The following BMP5 variants were observed in gnomAD, a reference collection of about 807,000 sequenced individuals.
BMP5 encodes the protein bone morphogenetic protein 5.
BMP5 carries 23 observed loss-of-function variants against 46.6 expected under a neutral mutation model. The ratio of observed to expected loss-of-function variants is 0.49; its 90% CI spans 0.35 to 0.70. BMP5 has a LOEUF of 0.70. Ranked by LOEUF, BMP5 falls within the 30% of genes least tolerant of loss-of-function variation. The pLI is 0.00. For synonymous variants in BMP5, 204 were observed against 191.9 expected (o/e 1.06, Z -0.52); for missense variants, 545 against 565.6 (o/e 0.96, Z 0.37).
intron 1 of BMP5, among the ~76,000 whole-genome samples, chr6:55,837,087 T>C (rs1017526808): frequency 5.9e-5 from 9 of 152,124 alleles, no homozygotes; most frequent in Admixed American, 5.9e-4. Flanking sequence ...AGTCTGCTTT[T>C]GTTTTCTAGG....
chr6:55,867,802 G>T (rs1777687768), intron 1 of BMP5, among the ~76,000 whole-genome samples: 1 of 152,146 alleles, frequency 6.6e-6, no homozygotes, highest in East Asian at 1.9e-4. Flanking sequence ...CTTATTATCT[G>T]CACTTTTTAG....
intron 3 of BMP5, among the ~76,000 whole-genome samples, chr6:55,784,219 C>G (rs978268987): frequency 6.6e-6 from 1 of 151,830 alleles, no homozygotes. Flanking sequence ...AAGAAGAGAA[C>G]TGTCGTTTCT....
At position 55,807,235 on chromosome 6, in the gene BMP5, T is replaced by TA. The variant is rs200997807; in HGVS notation, c.683+12419_683+12420insT. ...ATAAATAGCTCTTATTATTTTGAGA[T>TA]TTTTTCATCAATACCTAATTTATTG... On this transcript the variant is annotated intron_variant, in intron 2 of 6. Coordinates refer to ENST00000370830, the MANE Select transcript of BMP5 (RefSeq NM_021073.4). Among the ~76,000 whole-genome samples the TA allele has an allele frequency of 7.4e-3, 1,125 of 151,664 alleles. 15 individuals are homozygous for TA. Among genetic ancestry groups the TA allele is most frequent in the African/African-American group, 0.026 (1,064 of 41,498 alleles).
At chr6:55,859,278 G>A (rs1777476379) in intron 1 of BMP5, among the ~76,000 whole-genome samples, 1 of 151,960 alleles carries the variant, frequency 6.6e-6, no homozygotes, top group Admixed American at 6.6e-5. Context: ...CATTAAAAAA[G>A]GTCACACCTT....
Position 55,755,578 on chromosome 6 carries a change from C to T in BMP5, c.1320G>A (p.Leu440=). The T allele has an allele frequency of 6.2e-7, 1 of 1,611,418 alleles. No individual in the cohort carries two copies. Among genetic ancestry groups the T allele is most frequent in the Non-Finnish European group, 8.5e-7 (1 of 1,178,392 alleles). Residue 440 remains leucine, a synonymous_variant, in exon 7 of 7, where the codon TTG becomes TTA. Coordinates refer to ENST00000370830, the MANE Select transcript of BMP5 (RefSeq NM_021073.4). ...GTACTACCATATTTCTATATTTTTT[C>T]AAAATGACATTGGAGCTGTCATCAA... is the stretch of plus-strand genomic sequence containing the variant. ...LYFDDSSNVI[L]KKYRNMVVRS... is the part of the protein sequence containing the mutation.
At chr6:55,765,041 C>T (rs1210024655) in intron 4 of BMP5, among the ~76,000 whole-genome samples, 1 of 152,018 alleles carries the variant, frequency 6.6e-6, no homozygotes, top group African/African-American at 2.4e-5. Context: ...ACATTGTATA[C>T]ATCTATCAAA....
chr6:55,834,459 T>C (rs1239070470), intron 1 of BMP5, among the ~76,000 whole-genome samples: 4 of 152,146 alleles, frequency 2.6e-5, no homozygotes, highest in African/African-American at 9.7e-5. Context: ...GAAGGCCATA[T>C]TTATTGTTTC....
chr6:55,837,502 A>T (rs1228890325), intron 1 of BMP5, among the ~76,000 whole-genome samples: 2 of 151,960 alleles, frequency 1.3e-5, no homozygotes, highest in African/African-American at 2.4e-5. Context: ...TATTTTTTAA[A>T]TTTTTTTATT....
In BMP5 at chr6:55,812,843, A is replaced by T. The variant is rs576873917; in HGVS notation, c.683+6812T>A. Among the ~76,000 whole-genome samples the T allele has an allele frequency of 7.2e-5, 11 of 152,348 alleles. No homozygotes were observed. In the South Asian group the frequency reaches 1.9e-3, roughly 26 times the overall value. On this transcript the variant is annotated intron_variant, in intron 2 of 6. Transcript: ENST00000370830. ...TAATAGGATTTTAAAATTACTTTTC[A>T]AATTGAAATTCCATTTTAACTGTGA...
chr6:55,827,600 T>A (rs1404261224), intron 1 of BMP5, among the ~76,000 whole-genome samples: 1 of 151,808 alleles, frequency 6.6e-6, no homozygotes, highest in African/African-American at 2.4e-5. Flanking sequence ...TCACTGAGGA[T>A]AACAATGCAT....
chr6:55,814,226 T>C (rs1228124960), intron 2 of BMP5, among the ~76,000 whole-genome samples: 2 of 152,140 alleles, frequency 1.3e-5, no homozygotes, highest in African/African-American at 2.4e-5. Flanking sequence ...TTTACTTACT[T>C]TATCTTTACA....
intron 1 of BMP5, among the ~76,000 whole-genome samples, chr6:55,844,145 G>C (rs1165956651): frequency 6.6e-6 from 1 of 151,918 alleles, no homozygotes; most frequent in Non-Finnish European, 1.5e-5. Context: ...ATGAGCCTAA[G>C]AGTTGATTGT....
intron 2 of BMP5, among the ~76,000 whole-genome samples, chr6:55,799,905 T>C (rs1296407682): frequency 2.6e-5 from 4 of 152,118 alleles, no homozygotes; most frequent in Non-Finnish European, 4.4e-5. Flanking sequence ...TGCACAGACC[T>C]CCCCACAGTG....
At chr6:55,789,019 GT>G (rs1775514562) in intron 3 of BMP5, among the ~76,000 whole-genome samples, 1 of 151,434 alleles carries the variant, frequency 6.6e-6, no homozygotes, top group Non-Finnish European at 1.5e-5. Flanking sequence ...TAAACCTGAA[GT>G]TTTACCTTGA....
chr6:55,777,161 T>C (rs1705170190), intron 3 of BMP5, among the ~76,000 whole-genome samples: 1 of 151,936 alleles, frequency 6.6e-6, no homozygotes, highest in Non-Finnish European at 1.5e-5. Flanking sequence ...TGACCTAGTA[T>C]TTCAGAAACA....
At chr6:55,821,170 A>C (rs1776402857) in intron 1 of BMP5, among the ~76,000 whole-genome samples, 1 of 152,166 alleles carries the variant, frequency 6.6e-6, no homozygotes, top group South Asian at 2.1e-4. Flanking sequence ...GGCTGCTAGA[A>C]CATCATGTTC....
In BMP5 at chr6:55,760,484, A is replaced by G. The variant is rs778578389; in HGVS notation, c.1077T>C (p.Tyr359=). The change falls in exon 5 of 7, where the codon TAT becomes TAC. Residue 359 remains tyrosine (Y), a synonymous_variant. Coordinates refer to ENST00000370830, the MANE Select transcript of BMP5 (RefSeq NM_021073.4). The stretch of plus-strand genomic sequence containing the variant: ...GCCATCCCAGATCCCGGAAGCTCAC[A>G]TAGAGTTCGTGCTTCTTACAGGCTT... ...QKQACKKHEL[Y]VSFRDLGWQD... The G allele has an allele frequency of 1.9e-6, 3 of 1,613,200 alleles. No individual in the cohort carries two copies. The highest frequency in any genetic ancestry group is 3.3e-5 in the Admixed American group (2 of 59,944).
chr6:55,840,044 G>A (rs1776912263), intron 1 of BMP5, among the ~76,000 whole-genome samples: 1 of 151,914 alleles, frequency 6.6e-6, no homozygotes, highest in South Asian at 2.1e-4. Context: ...TTATTTTGAT[G>A]AAATCACAGT....
intron 1 of BMP5, among the ~76,000 whole-genome samples, chr6:55,856,470 G>A (rs1209552623): frequency 6.6e-6 from 1 of 152,100 alleles, no homozygotes; most frequent in Non-Finnish European, 1.5e-5. Context: ...CTACGTGGTT[G>A]TATTATTTTG....
Sources: allele counts gnomAD v4.1 joint callset (sites outside exome capture counted in the v4.1 genomes callset), GRCh38; gene constraint gnomAD v4.1.1; transcripts MANE v1.5; gene names NCBI Gene and HGNC (gene_info 2026-07-23, HGNC 2026-07-21).